Variants in STX1A observed in about 807,000 individuals in gnomAD.
The protein encoded by STX1A is syntaxin 1A, also known as syntaxin-1A.
STX1A carries 4 observed loss-of-function variants against 37.8 expected under a neutral mutation model. The observed-to-expected ratio is 0.11, with a 90% CI of 0.05 to 0.24. STX1A has a LOEUF of 0.24. Among genes scored for constraint, STX1A ranks in the 10% least tolerant of loss-of-function variants. The pLI is 1.00. For missense variants in STX1A, 251 were observed against 399.9 expected (o/e 0.63, Z 3.18); for synonymous variants, 135 against 147.4 (o/e 0.92, Z 0.61).
Position 73,707,459 on chromosome 7 carries a change from C to T in STX1A, c.208+1130G>A, listed in dbSNP as rs186881187. 3.3e-4 allele frequency among the ~76,000 whole-genome samples: 51 copies of T among 152,274 alleles called. No individual in the cohort carries two copies. In the East Asian group the frequency reaches 3.9e-3, roughly 12 times the overall value. ...CCAGCTTGCCCTCCCACAGCGCTGA[C>T]GACTTAGAGCTGCCATCTGCTCCCC... On this transcript the variant is annotated intron_variant, in intron 3 of 9. Transcript: ENST00000222812.
At chr7:73,712,814 TTTCAGATCCTTCCCA>T (rs1799151755) in intron 1 of STX1A, among the ~76,000 whole-genome samples, 1 of 152,160 alleles carries the variant, frequency 6.6e-6, no homozygotes, top group Non-Finnish European at 1.5e-5. Flanking sequence ...ATTCCTTCCC[TTTCAGATCCTTCCCA>T]GGGACCCCAA....
chr7:73,716,844 A>T (rs1799303312), intron 1 of STX1A: 1 of 152,492 alleles, frequency 6.6e-6, no homozygotes, highest in Non-Finnish European at 1.5e-5. Flanking sequence ...AGGCAGCTAC[A>T]GCCTGAGTGG....
rs1252661472 is a variant in STX1A, at chr7:73,706,259, AG to A, written c.209-1036del. Among the ~76,000 whole-genome samples the A allele has an allele frequency of 1.8e-4, 28 of 152,054 alleles. No individual in the cohort carries two copies. Among genetic ancestry groups the A allele is most frequent in the African/African-American group, 5.3e-4 (22 of 41,402 alleles). ...GGAATGCAGTGAGGTGGAGCGGGGA[AG>A]GGGGGGTTCCGAGGCGCGGAGGAGG... On this transcript the variant is annotated intron_variant, in intron 3 of 9. Coordinates refer to ENST00000222812, the MANE Select transcript of STX1A (RefSeq NM_004603.4). This position sits in a 1 kb window ranked among gnomAD's most constrained non-coding sequence, Gnocchi z 4.6.
chr7:73,707,233 G>A (rs1399310845), intron 3 of STX1A, among the ~76,000 whole-genome samples: 5 of 152,212 alleles, frequency 3.3e-5, no homozygotes, highest in Non-Finnish European at 7.3e-5. Context: ...GCATCTCTCA[G>A]TGTAGTAAAC....
Position 73,704,188 on chromosome 7 carries a change from G to C in STX1A, c.426C>G (p.Arg142=), listed in dbSNP as rs1554616425. ...SEYNATQSDY[R]ERCKGRIQRQ... ...TCTGGATGCGGCCTTTGCAGCGCTC[G>C]CGGTAGTCGGACTGCGTGGCGTTGT... Residue 142 remains arginine (R), a synonymous_variant, in exon 6 of 10, where the codon CGC becomes CGG. Coordinates refer to ENST00000222812, the MANE Select transcript of STX1A (RefSeq NM_004603.4). The C allele has an allele frequency of 1.2e-6, 2 of 1,612,506 alleles. No individual in the cohort carries two copies. The highest frequency in any genetic ancestry group is 1.7e-6 in the Non-Finnish European group (2 of 1,179,844).
Position 73,702,610 on chromosome 7 carries a change from T to G in STX1A, c.678+235A>C, listed in dbSNP as rs782398192. 7.8e-7 allele frequency: 1 copy of G among 1,288,622 alleles called. No homozygotes were observed. Among genetic ancestry groups the G allele is most frequent in the Non-Finnish European group, 1.0e-6 (1 of 968,468 alleles). The allele number at this position is 1,288,622 out of a possible 1,614,324, so 79.8% of individuals were successfully genotyped here. A position where few individuals can be genotyped will look rare whatever the true frequency, so the allele number is the denominator to read the frequency against. On this transcript the variant is annotated intron_variant, in intron 8 of 9. Coordinates refer to ENST00000222812, the MANE Select transcript of STX1A (RefSeq NM_004603.4). The surrounding 1 kb of genome is among the most constrained non-coding windows in gnomAD (Gnocchi z 4.7). ...TAGGGGAATGAGAGACGGCGGGGTA[T>G]AGAGGGTGGGGCCATGCAGGGCCTG...
chr7:73,708,434 A>G (rs1798964429), intron 3 of STX1A, among the ~76,000 whole-genome samples, 155 bp downstream of exon 3: 1 of 152,052 alleles, frequency 6.6e-6, no homozygotes. Flanking sequence ...GCATTTCCCA[A>G]GGCTTCTCGT....
chr7:73,717,809 C>T lies in STX1A; in HGVS notation c.30+1793G>A, dbSNP rs374948777. ...CAGAGCAAAAAGATCTGGGTTCAAA[C>T]GCTTCACAACCCCAGCTCCACTGGC... On this transcript the variant is annotated intron_variant, in intron 1 of 9. Coordinates refer to ENST00000222812, the MANE Select transcript of STX1A (RefSeq NM_004603.4). The surrounding 1 kb of genome is among the most constrained non-coding windows in gnomAD (Gnocchi z 4.1). 6.6e-6 allele frequency among the ~76,000 whole-genome samples: 1 copy of T among 152,146 alleles called. No individual in the cohort carries two copies. The highest frequency in any genetic ancestry group is 2.4e-5 in the African/African-American group (1 of 41,430).
intron 1 of STX1A, among the ~76,000 whole-genome samples, chr7:73,713,706 G>T (rs1192026832): frequency 2.0e-5 from 3 of 152,214 alleles, no homozygotes; most frequent in African/African-American, 7.2e-5. Context: ...CTCCAGCTTA[G>T]GTGACAGAGC....
chr7:73,710,307 G>T (rs111296530), intron 1 of STX1A, among the ~76,000 whole-genome samples: 1 of 152,390 alleles, frequency 6.6e-6, no homozygotes, highest in South Asian at 2.1e-4. Context: ...GTCAGCCCAC[G>T]CTGCTGGCAA....
Position 73,709,200 on chromosome 7 carries a change from G to A in STX1A, c.31-78C>T, listed in dbSNP as rs1053453534. On this transcript the variant is annotated intron_variant, in intron 1 of 9. Coordinates refer to ENST00000222812, the MANE Select transcript of STX1A (RefSeq NM_004603.4). This position sits in a 1 kb window ranked among gnomAD's most constrained non-coding sequence, Gnocchi z 4.2. ...CACACGCAGGTGCCCAGGGTACAGC[G>A]CCAGGGCCCTGCCCCTCCCCCTCTC... 7.6e-6 allele frequency: 11 copies of A among 1,448,432 alleles called. No homozygotes were observed. Among genetic ancestry groups the A allele is most frequent in the Admixed American group, 5.1e-5 (3 of 58,948 alleles). 89.7% of individuals were successfully genotyped at this position (1,448,432 alleles called of 1,614,324 possible).
intron 4 of STX1A, 133 bp from the exon 5 acceptor site, chr7:73,704,556 C>T (rs1336953803): frequency 9.7e-6 from 11 of 1,134,546 alleles, no homozygotes; most frequent in Non-Finnish European, 1.3e-5. Flanking sequence ...GGGATCAGTG[C>T]CAGGCACCGA....
intron 1 of STX1A, among the ~76,000 whole-genome samples, chr7:73,718,831 C>A (rs903843136): frequency 6.6e-6 from 1 of 152,026 alleles, no homozygotes; most frequent in Non-Finnish European, 1.5e-5. Flanking sequence ...AGGAGCCACA[C>A]CCCAGGGGTT....
rs1037213452 is a variant in STX1A, at chr7:73,700,981, G to T, written c.679-141C>A. 1.5e-5 allele frequency: 23 copies of T among 1,489,654 alleles called. No homozygotes were observed. Among genetic ancestry groups the T allele is most frequent in the Non-Finnish European group, 2.0e-5 (22 of 1,116,206 alleles). 92.3% of individuals were successfully genotyped at this position (1,489,654 alleles called of 1,614,324 possible). On this transcript the variant is annotated intron_variant, in intron 8 of 9. Transcript: ENST00000222812. This position sits in a 1 kb window ranked among gnomAD's most constrained non-coding sequence, Gnocchi z 4.4. ...GAGGTTAGGGTACAGCTTCTCACCT[G>T]GGCCAGGTACCCTGGGTGGGGTGTA...
chr7:73,703,681 C>T, intron 7 of STX1A, 74 bp downstream of exon 7: 1 of 1,527,044 alleles, frequency 6.5e-7, no homozygotes, highest in Non-Finnish European at 9.0e-7. Context: ...ACTGTCCAGA[C>T]CCAGCACTAG....
rs1554616292 is a variant in STX1A, at chr7:73,703,809, A to G, written c.486T>C (p.Ser162=). 6.2e-7 allele frequency: 1 copy of G among 1,613,846 alleles called. No individual in the cohort carries two copies. Residue 162 remains serine (S), a synonymous_variant, in exon 7 of 10, where the codon AGT becomes AGC. Transcript: ENST00000222812. ...TCTCCAGCATGTCCTCCAGCTCCTCACTGGTCGTGGTCCTGCCGGCTGCAA... is the reference window on the plus strand; with the variant it reads ...TCTCCAGCATGTCCTCCAGCTCCTCGCTGGTCGTGGTCCTGCCGGCTGCAA... The part of the protein sequence containing the change: ...QLEITGRTTT[S]EELEDMLESG...
intron 1 of STX1A, among the ~76,000 whole-genome samples, chr7:73,719,100 CGCCCCGCAGCGG>C (rs1416701339): frequency 6.6e-6 from 1 of 151,936 alleles, no homozygotes; most frequent in Non-Finnish European, 1.5e-5. Flanking sequence ...TTCCGCAGCG[CGCCCCGCAGCGG>C]GGCCCCGCGC....
intron 4 of STX1A, chr7:73,704,639 C>T (rs1209938080): frequency 2.1e-5 from 13 of 609,266 alleles, no homozygotes; most frequent in Non-Finnish European, 3.8e-5. Flanking sequence ...AATGCACACC[C>T]ACTCCAAGCT....
chr7:73,701,700 G>A (rs1044549751), intron 8 of STX1A, among the ~76,000 whole-genome samples: 1 of 152,082 alleles, frequency 6.6e-6, no homozygotes, highest in African/African-American at 2.4e-5. Context: ...TGGCGTCCAC[G>A]TCACCATGGT....
Sources: gnomAD v4.1 joint callset for allele counts (sites outside exome capture counted in the v4.1 genomes callset) on GRCh38, gnomAD v4.1.1 for gene constraint, Gnocchi (gnomAD v3.1) non-coding constraint, MANE v1.5 for transcripts, NCBI Gene and HGNC (gene_info 2026-07-23, HGNC 2026-07-21) for gene names.